Variants in BCL7A observed in about 807,000 individuals in gnomAD.
The protein encoded by BCL7A is BAF chromatin remodeling complex subunit BCL7A, also known as B-cell CLL/lymphoma 7 protein family member A.
In BCL7A, 11 loss-of-function variants were observed where a neutral mutation model predicts 28.4. That is an observed-to-expected ratio of 0.39 (90% confidence interval 0.24 to 0.64). The LOEUF (loss-of-function observed/expected upper bound fraction) is 0.64, where lower values mean the gene tolerates loss of function less well. Ranked by LOEUF, BCL7A falls within the 30% of genes least tolerant of loss-of-function variation. The pLI is 0.50. For synonymous variants in BCL7A, 123 were observed against 103.3 expected (o/e 1.19, Z -1.15); for missense variants, 222 against 274.8 (o/e 0.81, Z 1.36).
intron 4 of BCL7A, among the ~76,000 whole-genome samples, chr12:122,051,675 C>T (rs1441918112): frequency 6.6e-6 from 1 of 152,090 alleles, no homozygotes. Flanking sequence ...TTCATGATTT[C>T]TAAGCCTACA....
Position 122,062,004 on chromosome 12 carries a change from C to T in BCL7A, c.*2841C>T. On this transcript the variant is annotated 3_prime_UTR_variant, in exon 6 of 6. Transcript: ENST00000261822. ...CAGTAGATATGGTTTGTACAATGTA[C>T]AATTGTTTCATTTCAGAAAATAAAA... 1 of 185,738 alleles carries T rather than the reference C, an allele frequency of 5.4e-6. No individual in the cohort carries two copies. Among genetic ancestry groups the T allele is most frequent in the Non-Finnish European group, 1.1e-5 (1 of 87,942 alleles). 11.5% of individuals were successfully genotyped at this position (185,738 alleles called of 1,614,324 possible).
In BCL7A at chr12:122,021,916, TTGTGTGTGTGTGTATGTGTG is replaced by T. The variant is rs1422191411; in HGVS notation, c.-162_-143del. 1.4e-5 allele frequency: 5 copies of T among 353,924 alleles called. No homozygotes were observed. Among genetic ancestry groups the T allele is most frequent in the East Asian group, 4.9e-5 (1 of 20,578 alleles). 21.9% of individuals were successfully genotyped at this position (353,924 alleles called of 1,614,324 possible). ...GCCAGGCGCGCGGCGGCCCCGGGCT[TTGTGTGTGTGTGTATGTGTG>T]TGTGTGTGTGTGTGTGTGTGTGAGT... On this transcript the variant is annotated 5_prime_UTR_variant, in exon 1 of 6. An upstream start codon of the reference 5' UTR is lost. Transcript: ENST00000261822.
intron 2 of BCL7A, among the ~76,000 whole-genome samples, chr12:122,033,828 G>T (rs1216612292): frequency 1.3e-5 from 2 of 152,150 alleles, no homozygotes; most frequent in African/African-American, 2.4e-5. Flanking sequence ...TGTAATTCCA[G>T]AACATTTTCA....
chr12:122,028,269 A>C (rs891133180), intron 1 of BCL7A, among the ~76,000 whole-genome samples: 2 of 152,216 alleles, frequency 1.3e-5, no homozygotes, highest in African/African-American at 4.8e-5. Flanking sequence ...GCCTGGCTGC[A>C]TTCAGCTTGT....
intron 1 of BCL7A, among the ~76,000 whole-genome samples, chr12:122,023,817 C>T (rs1883539462): frequency 6.6e-6 from 1 of 152,334 alleles, no homozygotes; most frequent in African/African-American, 2.4e-5. Context: ...CCGCGGGAAG[C>T]CCGGAGTTGC....
chr12:122,049,404 G>C (rs898296935), intron 4 of BCL7A, among the ~76,000 whole-genome samples: 1 of 151,928 alleles, frequency 6.6e-6, no homozygotes, highest in Non-Finnish European at 1.5e-5. Context: ...TGGAGAGGCC[G>C]GGCGTGGTGG....
chr12:122,041,773 A>T (rs1034205866), intron 3 of BCL7A, among the ~76,000 whole-genome samples: 12 of 151,996 alleles, frequency 7.9e-5, no homozygotes, highest in Non-Finnish European at 1.2e-4. Flanking sequence ...CTAAAAATAA[A>T]AAATACATAA....
chr12:122,048,698 A>G (rs935731304), intron 4 of BCL7A, among the ~76,000 whole-genome samples: 4 of 151,856 alleles, frequency 2.6e-5, no homozygotes, highest in African/African-American at 9.7e-5. Context: ...AGCCTGGGCA[A>G]CATGGTGAAA....
At chr12:122,039,071 C>T (rs911540483) in intron 3 of BCL7A, among the ~76,000 whole-genome samples, 9 of 151,994 alleles carry the variant, frequency 5.9e-5, no homozygotes, top group East Asian at 1.9e-4. Flanking sequence ...CCAAGGCGGG[C>T]AGATCATGAG....
At chr12:122,056,998 C>G (rs1350101974) in intron 5 of BCL7A, among the ~76,000 whole-genome samples, 1 of 152,196 alleles carries the variant, frequency 6.6e-6, no homozygotes, top group African/African-American at 2.4e-5. Flanking sequence ...GGGGCTATAC[C>G]TAATCCCTGC....
chr12:122,058,980 C>A (rs1200950460), intron 5 of BCL7A, 112 bp from the exon 6 acceptor site: 2 of 896,682 alleles, frequency 2.2e-6, no homozygotes, highest in Non-Finnish European at 1.8e-6. Context: ...TGGTCTGAAC[C>A]ACAAAGCCGC....
At chr12:122,058,731 T>C (rs1006101262) in intron 5 of BCL7A, among the ~76,000 whole-genome samples, 1 of 152,154 alleles carries the variant, frequency 6.6e-6, no homozygotes, top group African/African-American at 2.4e-5. Flanking sequence ...CAATGAATCA[T>C]AGATGGGAAG....
chr12:122,042,750 C>T (rs1262906371), intron 3 of BCL7A, among the ~76,000 whole-genome samples: 1 of 152,084 alleles, frequency 6.6e-6, no homozygotes, highest in Non-Finnish European at 1.5e-5. Flanking sequence ...TCATGACATT[C>T]AAGTCTGCAC....
Position 122,044,054 on chromosome 12 carries a change from G to A in BCL7A, c.439+1G>A. On this transcript the variant is annotated splice_donor_variant, in intron 4 of 5. Coordinates refer to ENST00000261822, the MANE Select transcript of BCL7A (RefSeq NM_001024808.3). LOFTEE classifies it high-confidence loss of function. ...GGGAAGGAGCACCCAGGAGCTGAAGGTATGTGGCCTCTGGAGGTGGGGCTC... is the reference window on the plus strand; with the variant it reads ...GGGAAGGAGCACCCAGGAGCTGAAGATATGTGGCCTCTGGAGGTGGGGCTC... The A allele has an allele frequency of 6.2e-7, 1 of 1,611,490 alleles. No individual in the cohort carries two copies.
At chr12:122,047,236 G>T (rs116963680) in intron 4 of BCL7A, among the ~76,000 whole-genome samples, 1,585 of 151,752 alleles carry the variant, frequency 0.01, 15 homozygotes, top group Admixed American at 0.015. Flanking sequence ...TTTGAAATGG[G>T]GTCTTGGCCG....
intron 5 of BCL7A, among the ~76,000 whole-genome samples, chr12:122,055,388 G>A (rs1362886849): frequency 6.6e-6 from 1 of 152,170 alleles, no homozygotes; most frequent in Non-Finnish European, 1.5e-5. Context: ...GTTGGAATCT[G>A]GTCTGAATGA....
At chr12:122,024,645 G>A (rs761802003) in intron 1 of BCL7A, among the ~76,000 whole-genome samples, 3 of 151,762 alleles carry the variant, frequency 2.0e-5, no homozygotes, top group African/African-American at 4.9e-5. Context: ...CACCACTGGT[G>A]GGGGGGTGGG....
Position 122,060,791 on chromosome 12 carries a change from A to ATTT in BCL7A, c.*1637_*1639dup. On this transcript the variant is annotated 3_prime_UTR_variant, in exon 6 of 6. Coordinates refer to ENST00000261822, the MANE Select transcript of BCL7A (RefSeq NM_001024808.3). ...AAGAGTTTCTGAGGGTGAGGCTCTT[A>ATTT]TTTTTTTTTTTAAGGGATCCTGTCT... The ATTT allele has an allele frequency of 1.0e-5, 2 of 194,516 alleles. No individual in the cohort carries two copies. The highest frequency in any genetic ancestry group is 7.8e-5 in the East Asian group (1 of 12,744). The allele number at this position is 194,516 out of a possible 1,614,324, so 12.0% of individuals were successfully genotyped here.
intron 1 of BCL7A, among the ~76,000 whole-genome samples, chr12:122,022,608 A>G: frequency 1.4e-5 from 2 of 144,226 alleles, no homozygotes; most frequent in Middle Eastern, 7.2e-3. Flanking sequence ...GGAGAGCGCG[A>G]GCTCCATTGT....
Sources: gnomAD v4.1 joint callset for allele counts (sites outside exome capture counted in the v4.1 genomes callset) on GRCh38, gnomAD v4.1.1 for gene constraint, MANE v1.5 for transcripts, NCBI Gene and HGNC (gene_info 2026-07-23, HGNC 2026-07-21) for gene names.